TBCD: variants seen among roughly 807,000 people sequenced by gnomAD.
The protein encoded by TBCD is tubulin-specific chaperone D.
A neutral mutation model predicts 169.3 loss-of-function variants in TBCD; 105 were observed. The ratio of observed to expected loss-of-function variants is 0.62; its 90% confidence interval spans 0.53 to 0.73. The LOEUF (loss-of-function observed/expected upper bound fraction) is 0.73. Among genes scored for constraint, TBCD ranks in the 30% least tolerant of loss-of-function variants. The pLI, the probability that TBCD is intolerant of heterozygous loss-of-function variation, is 0.00. For synonymous variants in TBCD, 700 were observed against 643.9 expected, an observed-to-expected ratio of 1.09 and a Z score of -1.32; for missense variants, 1,444 against 1,600.1, an observed-to-expected ratio of 0.90 and a Z score of 1.66.
At chr17:82,906,873 T>C (rs1296090654) in intron 20 of TBCD, among the ~76,000 whole-genome samples, 2 of 152,224 alleles carry the variant, frequency 1.3e-5, no homozygotes, top group South Asian at 2.1e-4. Context: ...ACCTGGCCTT[T>C]ATGGCGCTGC....
chr17:82,887,195 G>A (rs926671453), intron 15 of TBCD, among the ~76,000 whole-genome samples: 6 of 149,334 alleles, frequency 4.0e-5, no homozygotes, highest in Non-Finnish European at 7.4e-5. Context: ...GCGCTCACGC[G>A]TTTACTTCTG....
intron 14 of TBCD, among the ~76,000 whole-genome samples, chr17:82,881,906 T>TC (rs1312036492): frequency 6.6e-6 from 1 of 150,772 alleles, no homozygotes; most frequent in Non-Finnish European, 1.5e-5. Context: ...TCTCTGTCTC[T>TC]CCCCCCTCTC....
chr17:82,776,526 C>T (rs2048612320), intron 6 of TBCD, among the ~76,000 whole-genome samples: 1 of 152,208 alleles, frequency 6.6e-6, no homozygotes, highest in Non-Finnish European at 1.5e-5. Context: ...TTAATGTGCA[C>T]AGCATGATCT....
Position 82,915,974 on chromosome 17 carries a change from C to T in TBCD, c.2038+4185C>T, listed in dbSNP as rs1403537352. Among the ~76,000 whole-genome samples the T allele has an allele frequency of 1.3e-5, 2 of 152,176 alleles. No homozygotes were observed. Among genetic ancestry groups the T allele is most frequent in the African/African-American group, 4.8e-5 (2 of 41,428 alleles). ...TCAGCAGAGACATGGCCGGTGCTGT[C>T]GTGCCTTTCGCTTTTACCTGTATCT... On this transcript the variant is annotated intron_variant, in intron 23 of 38. Transcript: ENST00000355528. The surrounding 1 kb of genome is among the most constrained non-coding windows in gnomAD (Gnocchi z 4.3).
At chr17:82,897,984 GT>G (rs1167425609) in intron 17 of TBCD, among the ~76,000 whole-genome samples, 3 of 150,074 alleles carry the variant, frequency 2.0e-5, no homozygotes, top group African/African-American at 7.4e-5. Context: ...CTCCCCGATG[GT>G]TTTCTGTTTT....
chr17:82,901,174 T>A (rs2059866017), intron 18 of TBCD, among the ~76,000 whole-genome samples: 1 of 152,250 alleles, frequency 6.6e-6, no homozygotes, highest in African/African-American at 2.4e-5. Flanking sequence ...GCTTCAGGGT[T>A]TCCTTGCATT....
chr17:82,853,773 C>T (rs1652283527), intron 13 of TBCD, among the ~76,000 whole-genome samples: 1 of 152,076 alleles, frequency 6.6e-6, no homozygotes, highest in Non-Finnish European at 1.5e-5. Flanking sequence ...TATATTCTTG[C>T]ATTTTAGATG....
rs1007261749 is a variant in TBCD, at chr17:82,833,191, T to C, written c.1318+18257T>C. ...CACAGTCACAGAGTGCCCCTCACTT[T>C]TACACAGAGCGTGGGCTGGCCACCG... On this transcript the variant is annotated intron_variant, in intron 13 of 38. Coordinates refer to ENST00000355528, the MANE Select transcript of TBCD (RefSeq NM_005993.5). This position sits in a 1 kb window ranked among gnomAD's most constrained non-coding sequence, Gnocchi z 4.7. Among the ~76,000 whole-genome samples, 1 of 152,036 alleles carries C rather than the reference T, an allele frequency of 6.6e-6. No homozygotes were observed. Among genetic ancestry groups the C allele is most frequent in the African/African-American group, 2.4e-5 (1 of 41,404 alleles).
chr17:82,800,328 GCT>G (rs2050414567), intron 8 of TBCD, among the ~76,000 whole-genome samples: 1 of 152,074 alleles, frequency 6.6e-6, no homozygotes, highest in Non-Finnish European at 1.5e-5. Flanking sequence ...CCTCCCCTTG[GCT>G]CAGCCTCCTG....
intron 26 of TBCD, among the ~76,000 whole-genome samples, chr17:82,924,126 G>A (rs1180910541): frequency 6.6e-6 from 1 of 152,116 alleles, no homozygotes; most frequent in African/African-American, 2.4e-5. Flanking sequence ...GCTAATTTTT[G>A]TATTTTTAGT....
chr17:82,845,112 G>A (rs540385837), intron 13 of TBCD, among the ~76,000 whole-genome samples: 70 of 152,182 alleles, frequency 4.6e-4, no homozygotes, highest in Non-Finnish European at 8.8e-4. Context: ...TGCTGGCGCC[G>A]CGGCCTCTGT....
chr17:82,851,743 C>T (rs1332643820), intron 13 of TBCD, among the ~76,000 whole-genome samples: 4 of 152,320 alleles, frequency 2.6e-5, no homozygotes, highest in Admixed American at 6.5e-5. Context: ...GCGTGGCCGA[C>T]GGGCAGAAAG....
chr17:82,923,523 C>T lies in TBCD; in HGVS notation c.2179-129C>T. ...GGTCCCTGGTCAGGCAGGGGCTGCT[C>T]TGACCTCAGGGTGACCACGGTGTCC... On this transcript the variant is annotated intron_variant, in intron 25 of 38. Transcript: ENST00000355528. The surrounding 1 kb of genome is among the most constrained non-coding windows in gnomAD (Gnocchi z 4.6). 1 of 756,660 alleles carries T rather than the reference C, an allele frequency of 1.3e-6. No individual in the cohort carries two copies. Among genetic ancestry groups the T allele is most frequent in the Non-Finnish European group, 2.2e-6 (1 of 458,680 alleles). 46.9% of individuals were successfully genotyped at this position (756,660 alleles called of 1,614,324 possible). A position where few individuals can be genotyped will look rare whatever the true frequency, so the allele number is the denominator to read the frequency against.
intron 13 of TBCD, among the ~76,000 whole-genome samples, chr17:82,866,135 A>C (rs141921804): frequency 1.3e-5 from 2 of 152,104 alleles, no homozygotes; most frequent in East Asian, 3.9e-4. Context: ...ATGGCAGAGG[A>C]GTTTCTGTTC....
chr17:82,889,766 C>T lies in TBCD; in HGVS notation c.1563+69C>T. ...GGTTTATAGGTAGGAATCTTGAGAG[C>T]TATAACCCTGGTGTCTTCTCGCACT... On this transcript the variant is annotated intron_variant, in intron 16 of 38. Coordinates refer to ENST00000355528, the MANE Select transcript of TBCD (RefSeq NM_005993.5). The surrounding 1 kb of genome is among the most constrained non-coding windows in gnomAD (Gnocchi z 5.3). The T allele has an allele frequency of 6.3e-7, 1 of 1,579,104 alleles. No homozygotes were observed. The highest frequency in any genetic ancestry group is 8.7e-7 in the Non-Finnish European group (1 of 1,153,298).
chr17:82,861,749 G>C (rs2056783455), intron 13 of TBCD, among the ~76,000 whole-genome samples: 1 of 152,206 alleles, frequency 6.6e-6, no homozygotes, highest in African/African-American at 2.4e-5. Flanking sequence ...CTTCTAGGGA[G>C]TGAGTCGGTG....
At chr17:82,758,898 G>A (rs968172545) in intron 2 of TBCD, among the ~76,000 whole-genome samples, 2 of 152,036 alleles carry the variant, frequency 1.3e-5, no homozygotes, top group African/African-American at 2.4e-5. Context: ...TGACCCCCAC[G>A]TGATCTGCCC....
Position 82,924,924 on chromosome 17 carries a change from G to T in TBCD, c.2261-15G>T. 6.4e-7 allele frequency: 1 copy of T among 1,552,130 alleles called. No individual in the cohort carries two copies. The highest frequency in any genetic ancestry group is 8.7e-7 in the Non-Finnish European group (1 of 1,146,508). ...CAGCAGAGGGCCTCTCTTCACACTC[G>T]TTGCTTCCTTTCAGAGGAGCTGATC... On this transcript the variant is annotated splice_polypyrimidine_tract_variant and intron_variant, in intron 26 of 38. Transcript: ENST00000355528.
intron 15 of TBCD, among the ~76,000 whole-genome samples, chr17:82,887,168 T>TGTGTGTGTGTGTGTGTGC: frequency 4.8e-4 from 61 of 126,184 alleles, no homozygotes; most frequent in African/African-American, 1.9e-3. Context: ...TGTGTGTGTG[T>TGTGTGTGTGTGTGTGTGC]GCGCGCGCGC....
Sources: gnomAD v4.1 joint callset for allele counts (sites outside exome capture counted in the v4.1 genomes callset) on GRCh38, gnomAD v4.1.1 for gene constraint, Gnocchi (gnomAD v3.1) non-coding constraint, MANE v1.5 for transcripts, NCBI Gene and HGNC (gene_info 2026-07-23, HGNC 2026-07-21) for gene names.